TLL1: variants seen among roughly 807,000 people sequenced by gnomAD.
TLL1 encodes the protein tolloid like 1.
In TLL1, 49 loss-of-function variants were observed where a neutral mutation model predicts 128.2. The ratio of observed to expected loss-of-function variants is 0.38; its 90% confidence interval spans 0.30 to 0.48. The LOEUF (loss-of-function observed/expected upper bound fraction) is 0.48, where lower values mean the gene tolerates loss of function less well. Ranked by LOEUF, TLL1 falls within the 20% of genes least tolerant of loss-of-function variation. The pLI, the probability that TLL1 is intolerant of heterozygous loss-of-function variation, is 0.96. For synonymous variants in TLL1, 454 were observed against 418.8 expected (o/e 1.08, Z -1.03); for missense variants, 1,123 against 1,242.0 (o/e 0.90, Z 1.44).
intron 1 of TLL1, among the ~76,000 whole-genome samples, chr4:165,898,777 T>G (rs1345961293): frequency 6.6e-6 from 1 of 152,172 alleles, no homozygotes; most frequent in Non-Finnish European, 1.5e-5. Flanking sequence ...CCTTTTCTAT[T>G]GTTTGGGATA....
intron 1 of TLL1, among the ~76,000 whole-genome samples, chr4:165,982,194 A>G (rs1300925079): frequency 6.6e-6 from 1 of 151,984 alleles, no homozygotes; most frequent in East Asian, 1.9e-4. Context: ...TGGCTCAAAT[A>G]GAATAATGTC....
At chr4:165,950,779 G>T (rs1734474740) in intron 1 of TLL1, among the ~76,000 whole-genome samples, 2 of 151,954 alleles carry the variant, frequency 1.3e-5, no homozygotes, top group African/African-American at 4.8e-5. Context: ...TCTTAGGGGA[G>T]AATTTATAGC....
intron 1 of TLL1, among the ~76,000 whole-genome samples, chr4:165,888,759 A>G (rs758620573): frequency 6.6e-6 from 1 of 152,140 alleles, no homozygotes; most frequent in Non-Finnish European, 1.5e-5. Flanking sequence ...CTCGTGTGCA[A>G]GTACCTGGGG....
Position 165,964,533 on chromosome 4 carries a change from C to T in TLL1, c.170-24848C>T, listed in dbSNP as rs116276701. ...TCCAGCCTTGATGTTTGAGATGTAA[C>T]TCTGGATAGTTATTAAATCTCTCTT... On this transcript the variant is annotated intron_variant, in intron 1 of 20. Transcript: ENST00000061240. Among the ~76,000 whole-genome samples the T allele has an allele frequency of 4.0e-3, 605 of 152,244 alleles. 4 individuals carry two copies. Among genetic ancestry groups the T allele is most frequent in the African/African-American group, 0.013 (548 of 41,536 alleles).
chr4:165,943,594 C>A (rs559466982), intron 1 of TLL1, among the ~76,000 whole-genome samples: 62 of 152,098 alleles, frequency 4.1e-4, no homozygotes, highest in African/African-American at 1.5e-3. Context: ...TTAAGTAAAT[C>A]ATGAGTCTGA....
chr4:165,945,354 C>T (rs1179696861), intron 1 of TLL1, among the ~76,000 whole-genome samples: 6 of 152,016 alleles, frequency 3.9e-5, no homozygotes, highest in African/African-American at 1.2e-4. Context: ...GTATTAGGGA[C>T]ACTTGGGATC....
In TLL1 at chr4:165,980,824, G is replaced by A. The variant is rs558415916; in HGVS notation, c.170-8557G>A. Among the ~76,000 whole-genome samples, 41 of 152,076 alleles carry A rather than the reference G, an allele frequency of 2.7e-4. 1 individual carries two copies. In the South Asian group the frequency reaches 7.5e-3, roughly 28 times the overall value. On this transcript the variant is annotated intron_variant, in intron 1 of 20. Transcript: ENST00000061240. The stretch of plus-strand genomic sequence containing the variant: ...CTTATTTTTGAATTCCTATTGCCTA[G>A]CACAATATCAGACACAAAATATAAG...
rs140392087 is a variant in TLL1 at position 165,966,522 on chromosome 4, G to T, written c.170-22859G>T. 2.7e-3 allele frequency among the ~76,000 whole-genome samples: 405 copies of T among 152,228 alleles called. 6 individuals are homozygous for T. Among genetic ancestry groups the T allele is most frequent in the African/African-American group, 9.1e-3 (380 of 41,548 alleles). On this transcript the variant is annotated intron_variant, in intron 1 of 20. Coordinates refer to ENST00000061240, the MANE Select transcript of TLL1 (RefSeq NM_012464.5). ...TCTTACCAGGGAAGATGTATCGGGG[G>T]AACCAGCCCCCGATATTTCAATGTA...
chr4:166,054,162 C>T (rs1739890282), intron 12 of TLL1, among the ~76,000 whole-genome samples: 1 of 147,558 alleles, frequency 6.8e-6, no homozygotes, highest in African/African-American at 2.5e-5. Context: ...TAAAAAGCCT[C>T]ATCCAAACAA....
chr4:165,918,601 G>T (rs989614442), intron 1 of TLL1, among the ~76,000 whole-genome samples: 2 of 151,482 alleles, frequency 1.3e-5, no homozygotes, highest in African/African-American at 4.9e-5. Context: ...AGAGGAAACA[G>T]ATCACTGCTG....
chr4:165,913,028 T>C (rs116110517), intron 1 of TLL1, among the ~76,000 whole-genome samples: 21 of 152,286 alleles, frequency 1.4e-4, no homozygotes, highest in African/African-American at 5.1e-4. Context: ...ACATGAACTA[T>C]GAAGCAATTA....
At chr4:166,013,845 T>C (rs60767529) in intron 7 of TLL1, among the ~76,000 whole-genome samples, 4,597 of 151,866 alleles carry the variant, frequency 0.03, 213 homozygotes, top group African/African-American at 0.1. Context: ...AGTTTTACCA[T>C]AGAAAAATTG....
intron 7 of TLL1, among the ~76,000 whole-genome samples, chr4:166,013,149 A>G (rs1737775769): frequency 1.3e-5 from 2 of 151,818 alleles, no homozygotes; most frequent in South Asian, 2.1e-4. Context: ...TAAAATGTCA[A>G]TTTTCAAGTG....
intron 1 of TLL1, among the ~76,000 whole-genome samples, chr4:165,950,408 A>G (rs1183895073): frequency 6.6e-6 from 1 of 152,136 alleles, no homozygotes; most frequent in Non-Finnish European, 1.5e-5. Context: ...CTTGAGCATC[A>G]TCATCATTCA....
At position 165,873,723 on chromosome 4, in the gene TLL1, G is replaced by T. The variant is rs1332551964; in HGVS notation, c.-182G>T. 6 of 626,594 alleles carry T rather than the reference G, an allele frequency of 9.6e-6. No homozygotes were observed. Among genetic ancestry groups the T allele is most frequent in the Admixed American group, 8.6e-5 (3 of 35,018 alleles). 38.8% of individuals were successfully genotyped at this position (626,594 alleles called of 1,614,324 possible). ...CCTGCGACTGGGGGTAACAGGCAGT[G>T]CTTGCCCTCTCTACTGTCCCGGCGG... On this transcript the variant is annotated 5_prime_UTR_variant, in exon 1 of 21. Transcript: ENST00000061240.
chr4:165,938,908 C>T (rs981214700), intron 1 of TLL1, among the ~76,000 whole-genome samples: 3 of 151,638 alleles, frequency 2.0e-5, no homozygotes, highest in Non-Finnish European at 2.9e-5. Flanking sequence ...ATTCTTGCTT[C>T]ATGGTTGCAA....
intron 8 of TLL1, among the ~76,000 whole-genome samples, chr4:166,018,175 G>A (rs998651903): frequency 6.6e-6 from 1 of 152,054 alleles, no homozygotes; most frequent in Admixed American, 6.6e-5. Flanking sequence ...TGGAAAGGCA[G>A]ACAAAAACAA....
chr4:165,909,221 G>A (rs889334075), intron 1 of TLL1, among the ~76,000 whole-genome samples: 2 of 151,998 alleles, frequency 1.3e-5, no homozygotes, highest in African/African-American at 4.8e-5. Flanking sequence ...CGGCTCCAAA[G>A]TTTAAAACTT....
chr4:165,910,074 G>C (rs1408012918), intron 1 of TLL1, among the ~76,000 whole-genome samples: 2 of 152,104 alleles, frequency 1.3e-5, no homozygotes, highest in Admixed American at 1.3e-4. Context: ...AAGGACAGGA[G>C]GAATCACGCT....
Sources: allele counts gnomAD v4.1 joint callset (sites outside exome capture counted in the v4.1 genomes callset), GRCh38; gene constraint gnomAD v4.1.1; transcripts MANE v1.5; gene names NCBI Gene and HGNC (gene_info 2026-07-23, HGNC 2026-07-21).